Variants in ATXN7L1 observed in about 807,000 individuals in gnomAD.
ATXN7L1 encodes the protein ataxin-7-like protein 1.
A neutral mutation model predicts 70.8 loss-of-function variants in ATXN7L1; 15 were observed. The ratio of observed to expected loss-of-function variants is 0.21; its 90% CI spans 0.14 to 0.33. ATXN7L1 has a LOEUF of 0.33. Ranked by LOEUF, ATXN7L1 falls within the 10% of genes least tolerant of loss-of-function variation. The pLI is 1.00. For missense variants in ATXN7L1, 975 were observed against 1,097.1 expected (o/e 0.89, Z 1.57); for synonymous variants, 440 against 445.1 (o/e 0.99, Z 0.14).
At chr7:105,811,462 C>T (rs73193826) in intron 2 of ATXN7L1, among the ~76,000 whole-genome samples, 28,296 of 152,108 alleles carry the variant, frequency 0.19, 3,054 homozygotes, top group South Asian at 0.4. Context: ...GTTTGTGGTA[C>T]TTTGTTGCGG....
intron 3 of ATXN7L1, among the ~76,000 whole-genome samples, chr7:105,712,616 A>T (rs1310725241): frequency 6.6e-6 from 1 of 152,218 alleles, no homozygotes; most frequent in Admixed American, 6.5e-5. Context: ...CAGGGGGGAA[A>T]TGCTGCCAGT....
At chr7:105,713,221 CCCT>C (rs1442674135) in intron 3 of ATXN7L1, among the ~76,000 whole-genome samples, 1 of 152,190 alleles carries the variant, frequency 6.6e-6, no homozygotes, top group Non-Finnish European at 1.5e-5. Context: ...CCCACCAAGC[CCCT>C]CCTCCAATTT....
chr7:105,656,728 A>G (rs1243846181), intron 4 of ATXN7L1, among the ~76,000 whole-genome samples: 2 of 151,506 alleles, frequency 1.3e-5, no homozygotes, highest in Non-Finnish European at 2.9e-5. Flanking sequence ...CCGCCACTAC[A>G]CTCGGCTAAT....
chr7:105,816,146 C>A (rs576271293), intron 2 of ATXN7L1, among the ~76,000 whole-genome samples: 22 of 152,138 alleles, frequency 1.4e-4, no homozygotes, highest in African/African-American at 5.3e-4. Context: ...ATTCTTCTAA[C>A]GGGAAGTCAG....
intron 3 of ATXN7L1, among the ~76,000 whole-genome samples, chr7:105,775,583 T>C (rs1451841088): frequency 5.3e-5 from 8 of 152,164 alleles, no homozygotes; most frequent in Non-Finnish European, 1.2e-4. Flanking sequence ...GATTGGGTTC[T>C]AGTGTCAGGG....
At chr7:105,693,077 A>G (rs1245140915) in intron 3 of ATXN7L1, among the ~76,000 whole-genome samples, 1 of 152,240 alleles carries the variant, frequency 6.6e-6, no homozygotes, top group African/African-American at 2.4e-5. Context: ...GAGTGCATCA[A>G]GCAGTATCTC....
chr7:105,871,620 G>A (rs369279160), intron 2 of ATXN7L1, among the ~76,000 whole-genome samples: 1 of 151,548 alleles, frequency 6.6e-6, no homozygotes, highest in Non-Finnish European at 1.5e-5. Context: ...TGAGAAAGGA[G>A]AATCGCTTGA....
intron 3 of ATXN7L1, among the ~76,000 whole-genome samples, chr7:105,771,808 A>G (rs562431440): frequency 3.2e-4 from 48 of 152,300 alleles, no homozygotes; most frequent in South Asian, 6.2e-4. Flanking sequence ...TTAAAAACGT[A>G]ATGGCAATCA....
intron 2 of ATXN7L1, among the ~76,000 whole-genome samples, chr7:105,864,501 T>C (rs984887122): frequency 1.0e-4 from 15 of 146,380 alleles, no homozygotes; most frequent in African/African-American, 3.8e-4. Flanking sequence ...CTGGTTCCTG[T>C]GCTTCACTCC....
In ATXN7L1 at chr7:105,733,633, CCCATCCAT is replaced by C. The variant is rs1253569733; in HGVS notation, c.355+54963_355+54970del. ...ATCCATCCATCCATCCATCCATCCACCCATCCATCCATCCATCCATCCATCCATCCATC... is the reference window on the plus strand; with the variant it reads ...ATCCATCCATCCATCCATCCATCCACCCATCCATCCATCCATCCATCCATC... On this transcript the variant is annotated intron_variant, in intron 3 of 11. Transcript: ENST00000419735. 7.6e-4 allele frequency among the ~76,000 whole-genome samples: 29 copies of C among 38,270 alleles called. 1 individual carries two copies. The highest frequency in any genetic ancestry group is 9.1e-4 in the Non-Finnish European group (18 of 19,840). The allele number at this position is 38,270 out of a possible 152,430, so 25.1% of individuals were successfully genotyped here.
At chr7:105,755,888 G>A (rs970308170) in intron 3 of ATXN7L1, among the ~76,000 whole-genome samples, 3 of 152,166 alleles carry the variant, frequency 2.0e-5, no homozygotes, top group African/African-American at 4.8e-5. Flanking sequence ...CCAGGTAACC[G>A]TCATGCAGGT....
At chr7:105,825,774 C>T (rs1810787814) in intron 2 of ATXN7L1, among the ~76,000 whole-genome samples, 1 of 152,126 alleles carries the variant, frequency 6.6e-6, no homozygotes, top group Non-Finnish European at 1.5e-5. Context: ...AATTCCACTA[C>T]TCACATCTGA....
At chr7:105,853,645 T>A (rs1228965629) in intron 2 of ATXN7L1, among the ~76,000 whole-genome samples, 1 of 151,410 alleles carries the variant, frequency 6.6e-6, no homozygotes, top group African/African-American at 2.4e-5. Flanking sequence ...GCGCCTGTAA[T>A]CCCAGTTACT....
intron 4 of ATXN7L1, among the ~76,000 whole-genome samples, chr7:105,664,588 T>TATATATATATA (rs1388359970): frequency 2.0e-5 from 3 of 147,678 alleles, no homozygotes; most frequent in African/African-American, 5.0e-5. Flanking sequence ...TATATATATA[T>TATATATATATA]TTGAGACAGA....
chr7:105,767,371 T>A (rs1248642826), intron 3 of ATXN7L1, among the ~76,000 whole-genome samples: 1 of 152,086 alleles, frequency 6.6e-6, no homozygotes, highest in Non-Finnish European at 1.5e-5. Context: ...GCCAAGGCCA[T>A]GTATCCATCC....
Position 105,665,045 on chromosome 7 carries a change from GC to G in ATXN7L1, c.578+20del. On this transcript the variant is annotated intron_variant, in intron 4 of 11. Transcript: ENST00000419735. Reference sequence around the variant, plus strand: ...CAGCAGGGGGGACAGACAGCAGCTGGCTGCCAGCCAGCTGACTCACCATGGT... The same window carrying G: ...CAGCAGGGGGGACAGACAGCAGCTGGTGCCAGCCAGCTGACTCACCATGGT... The G allele has an allele frequency of 1.9e-6, 3 of 1,539,970 alleles. No individual in the cohort carries two copies. The highest frequency in any genetic ancestry group is 2.6e-6 in the Non-Finnish European group (3 of 1,137,972).
chr7:105,608,577 A>G (rs1792885845), intron 11 of ATXN7L1, among the ~76,000 whole-genome samples: 1 of 152,110 alleles, frequency 6.6e-6, no homozygotes, highest in East Asian at 1.9e-4. Flanking sequence ...GGTGAAGTGT[A>G]GTCTGTAGGT....
chr7:105,720,197 G>C (rs554812173), intron 3 of ATXN7L1, among the ~76,000 whole-genome samples: 2 of 152,322 alleles, frequency 1.3e-5, no homozygotes, highest in East Asian at 3.9e-4. Flanking sequence ...AGTGCAGGTG[G>C]TTAATTCTTT....
At chr7:105,694,079 G>A (rs1247854749) in intron 3 of ATXN7L1, among the ~76,000 whole-genome samples, 3 of 148,112 alleles carry the variant, frequency 2.0e-5, no homozygotes, top group Admixed American at 6.8e-5. Context: ...GCAGAGTCTC[G>A]CTCTGTTGCC....
Sources: allele counts gnomAD v4.1 joint callset (sites outside exome capture counted in the v4.1 genomes callset), GRCh38; gene constraint gnomAD v4.1.1; transcripts MANE v1.5; gene names NCBI Gene and HGNC (gene_info 2026-07-23, HGNC 2026-07-21).